Variants in MTMR7 observed in about 807,000 individuals in gnomAD.
MTMR7 encodes phosphatidylinositol-3-phosphate phosphatase MTMR7.
A neutral mutation model predicts 81.2 loss-of-function variants in MTMR7; 76 were observed. The observed-to-expected ratio is 0.94, with a 90% confidence interval of 0.78 to 1.13. The LOEUF (loss-of-function observed/expected upper bound fraction) is 1.13. Ranked by LOEUF, MTMR7 falls within the 50% of genes most tolerant of loss-of-function variation. The pLI, the probability that MTMR7 is intolerant of heterozygous loss-of-function variation, is 0.00. For synonymous variants in MTMR7, 372 were observed against 289.8 expected (o/e 1.28, Z -2.88); for missense variants, 1,044 against 820.0 (o/e 1.27, Z -3.34).
At chr8:17,345,405 C>G (rs1379354596) in intron 5 of MTMR7, among the ~76,000 whole-genome samples, 1 of 152,232 alleles carries the variant, frequency 6.6e-6, no homozygotes, top group Non-Finnish European at 1.5e-5. Context: ...GCTCCTGATA[C>G]TACACAGCCT....
At chr8:17,379,541 G>A (rs1425399568) in intron 1 of MTMR7, among the ~76,000 whole-genome samples, 1 of 152,186 alleles carries the variant, frequency 6.6e-6, no homozygotes, top group African/African-American at 2.4e-5. Context: ...GGGGATCGCT[G>A]AGCAAAGATT....
intron 1 of MTMR7, among the ~76,000 whole-genome samples, chr8:17,398,319 A>G (rs1821320544): frequency 6.6e-6 from 1 of 152,226 alleles, no homozygotes; most frequent in Non-Finnish European, 1.5e-5. Flanking sequence ...AAGGAACTCA[A>G]AATTCTACCA....
chr8:17,372,754 T>G (rs1024114694), intron 2 of MTMR7, among the ~76,000 whole-genome samples: 1 of 152,136 alleles, frequency 6.6e-6, no homozygotes, highest in African/African-American at 2.4e-5. Context: ...ACCAAATGGC[T>G]GCATTACAGG....
Position 17,298,241 on chromosome 8 carries a change from A to ATATAG in MTMR7, c.*1616_*1620dup, listed in dbSNP as rs1227675252. On this transcript the variant is annotated 3_prime_UTR_variant, in exon 14 of 14. Transcript: ENST00000180173. ...ATTTTAGCAAGGTATTCCCTATTAC[A>ATATAG]TATAGTATATTGCAGAAAATGAATA... The ATATAG allele has an allele frequency of 6.6e-6, 1 of 152,118 alleles. No homozygotes were observed. Among genetic ancestry groups the ATATAG allele is most frequent in the African/African-American group, 2.4e-5 (1 of 41,468 alleles). The allele number at this position is 152,118 out of a possible 1,614,324, so 9.4% of individuals were successfully genotyped here.
chr8:17,396,290 C>G (rs1042238186), intron 1 of MTMR7, among the ~76,000 whole-genome samples: 7 of 152,158 alleles, frequency 4.6e-5, no homozygotes, highest in African/African-American at 1.7e-4. Flanking sequence ...AAAGTACCTG[C>G]TTTTAACTTT....
At chr8:17,363,906 A>G (rs1295397727) in intron 3 of MTMR7, among the ~76,000 whole-genome samples, 1 of 117,082 alleles carries the variant, frequency 8.5e-6, no homozygotes, top group African/African-American at 2.8e-5. Context: ...AGGCAAGCTT[A>G]AAAAAAAAAA....
intron 9 of MTMR7, among the ~76,000 whole-genome samples, chr8:17,310,487 A>C (rs150196878): frequency 6.6e-6 from 1 of 152,190 alleles, no homozygotes; most frequent in Non-Finnish European, 1.5e-5. Flanking sequence ...TTGATGATGG[A>C]AACGCATGTG....
intron 1 of MTMR7, among the ~76,000 whole-genome samples, chr8:17,386,170 G>C (rs574189976): frequency 2.0e-4 from 30 of 152,254 alleles, no homozygotes; most frequent in African/African-American, 6.3e-4. Context: ...GAGCCCAGGA[G>C]TTAGAGACCA....
rs778468952 is a variant in MTMR7, at chr8:17,299,058, C to G, written c.*804G>C. ...AGATCAGGCTGGTGGCTGGCCCACA[C>G]TGTCGGTAGTGTAGTCTCTAGAACA... On this transcript the variant is annotated 3_prime_UTR_variant, in exon 14 of 14. Transcript: ENST00000180173. 6.6e-6 allele frequency: 1 copy of G among 152,186 alleles called. No homozygotes were observed. The highest frequency in any genetic ancestry group is 1.5e-5 in the Non-Finnish European group (1 of 68,032). The allele number at this position is 152,186 out of a possible 1,614,324, so 9.4% of individuals were successfully genotyped here. A position where few individuals can be genotyped will look rare whatever the true frequency, so the allele number is the denominator to read the frequency against.
intron 12 of MTMR7, among the ~76,000 whole-genome samples, chr8:17,304,162 C>T (rs1284739675): frequency 6.6e-6 from 1 of 152,124 alleles, no homozygotes; most frequent in Non-Finnish European, 1.5e-5. Flanking sequence ...TATAAAACAT[C>T]ACCTCCTGAA....
chr8:17,343,938 C>G (rs1023486853), intron 5 of MTMR7, among the ~76,000 whole-genome samples: 1 of 152,148 alleles, frequency 6.6e-6, no homozygotes, highest in African/African-American at 2.4e-5. Flanking sequence ...TGTCAGAGCA[C>G]AGATTAAAAA....
chr8:17,310,076 C>G, intron 9 of MTMR7, among the ~76,000 whole-genome samples: 1 of 152,176 alleles, frequency 6.6e-6, no homozygotes, highest in Non-Finnish European at 1.5e-5. Context: ...TCATGGCTCA[C>G]TACACCCTTG....
chr8:17,332,349 A>G lies in MTMR7; in HGVS notation c.733-1067T>C, dbSNP rs142092908. ...TCTCCTAAAAGTCTGACAAAATTAA[A>G]AGTACCAGCACATAAAAATAGATGC... is the stretch of plus-strand genomic sequence containing the variant. On this transcript the variant is annotated intron_variant, in intron 6 of 13. Coordinates refer to ENST00000180173, the MANE Select transcript of MTMR7 (RefSeq NM_004686.5). Among the ~76,000 whole-genome samples, 672 of 152,364 alleles carry G rather than the reference A, an allele frequency of 4.4e-3. 5 individuals are homozygous for G. Among genetic ancestry groups the G allele is most frequent in the African/African-American group, 0.015 (626 of 41,592 alleles).
At chr8:17,356,132 T>C (rs1819882597) in intron 4 of MTMR7, among the ~76,000 whole-genome samples, 1 of 152,194 alleles carries the variant, frequency 6.6e-6, no homozygotes, top group Non-Finnish European at 1.5e-5. Context: ...TCTCCCTCCT[T>C]TGTTAAGCCA....
chr8:17,302,459 C>T (rs879203956), intron 12 of MTMR7, 179 bp from the exon 13 acceptor site: 1 of 570,478 alleles, frequency 1.8e-6, no homozygotes, highest in Non-Finnish European at 2.9e-6. Flanking sequence ...TTTCTTGGGT[C>T]AGTAAATGCC....
At chr8:17,301,813 GTACA>G in intron 13 of MTMR7, 1 of 334,968 alleles carries the variant, frequency 3.0e-6, no homozygotes, top group Non-Finnish European at 5.3e-6. Context: ...AGTTTTACAA[GTACA>G]TATATTTGAT....
At chr8:17,344,124 A>G (rs1280518175) in intron 5 of MTMR7, among the ~76,000 whole-genome samples, 1 of 152,200 alleles carries the variant, frequency 6.6e-6, no homozygotes, top group Non-Finnish European at 1.5e-5. Flanking sequence ...AATAAGACCT[A>G]TTATTGGCTC....
chr8:17,371,506 C>T (rs935639173), intron 2 of MTMR7, among the ~76,000 whole-genome samples: 6 of 152,128 alleles, frequency 3.9e-5, no homozygotes, highest in Admixed American at 6.6e-5. Context: ...ATATTGAATG[C>T]GCTTAATAGC....
chr8:17,300,348 G>C (rs1817035206), intron 13 of MTMR7, 124 bp from the exon 14 acceptor site: 3 of 1,085,300 alleles, frequency 2.8e-6, no homozygotes, highest in South Asian at 3.4e-5. Context: ...TGACTCAGAG[G>C]GATGTGAGTT....
Sources: allele counts gnomAD v4.1 joint callset (sites outside exome capture counted in the v4.1 genomes callset), GRCh38; gene constraint gnomAD v4.1.1; transcripts MANE v1.5; gene names NCBI Gene and HGNC (gene_info 2026-07-23, HGNC 2026-07-21).